The following DOCK1 variants were observed in gnomAD, a reference collection of about 807,000 sequenced individuals.
The protein encoded by DOCK1 is dedicator of cytokinesis protein 1.
Under a neutral mutation model 262.7 loss-of-function variants are expected in DOCK1, and 138 were observed. The observed-to-expected ratio is 0.53, with a 90% CI of 0.46 to 0.61. The LOEUF (loss-of-function observed/expected upper bound fraction) is 0.61, where lower values mean the gene tolerates loss of function less well. Among genes scored for constraint, DOCK1 ranks in the 20% least tolerant of loss-of-function variants. The pLI, the probability that DOCK1 is intolerant of heterozygous loss-of-function variation, is 0.00. For missense variants in DOCK1, 1,908 were observed against 2,370.7 expected, an observed-to-expected ratio of 0.80 and a Z score of 4.05; for synonymous variants, 866 against 867.4, an observed-to-expected ratio of 1.00 and a Z score of 0.03.
At chr10:127,186,500 A>AG (rs199537890) in intron 27 of DOCK1, among the ~76,000 whole-genome samples, 88 of 45,386 alleles carry the variant, frequency 1.9e-3, no homozygotes, top group African/African-American at 3.5e-3. Flanking sequence ...ACAGCATGGG[A>AG]GAAACCGCCC....
chr10:127,058,558 C>T (rs9418819), intron 22 of DOCK1, among the ~76,000 whole-genome samples: 26,372 of 151,622 alleles, frequency 0.17, 2,490 homozygotes, highest in South Asian at 0.32. Context: ...TTTTCCCTTC[C>T]CCATCTGTAT....
At chr10:127,047,741 T>C (rs1442190609) in intron 21 of DOCK1, among the ~76,000 whole-genome samples, 7 of 152,174 alleles carry the variant, frequency 4.6e-5, no homozygotes, top group South Asian at 2.1e-4. Context: ...TCTTAAACTT[T>C]ACACCAGTGG....
chr10:126,936,666 A>C, intron 1 of DOCK1, among the ~76,000 whole-genome samples: 1 of 152,238 alleles, frequency 6.6e-6, no homozygotes, highest in Non-Finnish European at 1.5e-5. Context: ...TAAAGAATGC[A>C]AAACATTAGT....
chr10:127,340,073 A>T (rs996681926), intron 30 of DOCK1, among the ~76,000 whole-genome samples: 11 of 152,056 alleles, frequency 7.2e-5, no homozygotes, highest in African/African-American at 1.9e-4. Flanking sequence ...TATTTTTATA[A>T]TTTTTTAATT....
intron 27 of DOCK1, chr10:127,153,966 G>C (rs758335582): frequency 4.1e-6 from 6 of 1,456,298 alleles, no homozygotes; most frequent in Middle Eastern, 1.7e-4. Flanking sequence ...GGTGGCTGGG[G>C]GTCACTGGCT....
intron 1 of DOCK1, among the ~76,000 whole-genome samples, chr10:126,939,520 T>G (rs1424944665): frequency 6.6e-6 from 1 of 152,234 alleles, no homozygotes; most frequent in African/African-American, 2.4e-5. Context: ...GACATCAGTG[T>G]TTTTACTTTA....
At position 126,996,863 on chromosome 10, in the gene DOCK1, G is replaced by A; in HGVS notation, c.589G>A (p.Glu197Lys). The change falls in exon 7 of 52, where the codon GAA becomes AAA. Residue 197 changes from glutamate to lysine, a missense_variant. Around this residue, in one of 9 missense-constraint regions of DOCK1, gnomAD observed 227 missense variants for 254.1 expected, o/e 0.89. Transcript: ENST00000623213. Reference protein sequence around the residue: ...AHEIASKQVEERLQEEKSQKQ... With the variant: ...AHEIASKQVEKRLQEEKSQKQ... ...TGAAATAGCTTCTAAACAAGTGGAGGAAAGGTTACAAGAGGAAAAAGTAAG... is the reference window on the plus strand; with the variant it reads ...TGAAATAGCTTCTAAACAAGTGGAGAAAAGGTTACAAGAGGAAAAAGTAAG... The A allele has an allele frequency of 6.2e-7, 1 of 1,602,462 alleles. No homozygotes were observed.
chr10:127,324,853 T>C (rs2062690154), intron 29 of DOCK1, among the ~76,000 whole-genome samples: 1 of 152,202 alleles, frequency 6.6e-6, no homozygotes, highest in African/African-American at 2.4e-5. Flanking sequence ...TGATAAATGA[T>C]TCATCAGAAG....
chr10:127,214,766 C>T (rs886556376), intron 27 of DOCK1, among the ~76,000 whole-genome samples: 11 of 152,128 alleles, frequency 7.2e-5, no homozygotes, highest in Admixed American at 7.2e-4. Flanking sequence ...CAGAGGCCCC[C>T]AGTGTTTCTT....
intron 1 of DOCK1, among the ~76,000 whole-genome samples, chr10:126,962,014 TTGAGACAGG>T (rs1475974620): frequency 2.0e-5 from 3 of 152,296 alleles, no homozygotes; most frequent in Admixed American, 6.5e-5. Flanking sequence ...TTTTATTTTT[TTGAGACAGG>T]GTCTCACTCT....
At chr10:127,191,963 C>T (rs573967312) in intron 27 of DOCK1, among the ~76,000 whole-genome samples, 1 of 152,322 alleles carries the variant, frequency 6.6e-6, no homozygotes, top group East Asian at 1.9e-4. Context: ...TAGTTTACTG[C>T]ATTTCATTTC....
intron 1 of DOCK1, among the ~76,000 whole-genome samples, chr10:126,965,550 C>T (rs1400940600): frequency 6.6e-6 from 1 of 152,068 alleles, no homozygotes; most frequent in African/African-American, 2.4e-5. Flanking sequence ...GTGAGATATC[C>T]TGGGAGGGAA....
Position 127,142,113 on chromosome 10 carries a change from C to A in DOCK1, c.2847+14349C>A, listed in dbSNP as rs11016447. 6.6e-3 allele frequency among the ~76,000 whole-genome samples: 1,004 copies of A among 152,292 alleles called. 4 individuals are homozygous for A. Among genetic ancestry groups the A allele is most frequent in the Admixed American group, 0.012 (177 of 15,306 alleles). Reference sequence around the variant, plus strand: ...CCCCTTTTCACTTGCCTGTGGACAGCAGGTGGAGGTCTAGCTGGATGTTTT... The same window carrying A: ...CCCCTTTTCACTTGCCTGTGGACAGAAGGTGGAGGTCTAGCTGGATGTTTT... On this transcript the variant is annotated intron_variant, in intron 27 of 51. Coordinates refer to ENST00000623213, the MANE Select transcript of DOCK1 (RefSeq NM_001290223.2).
intron 4 of DOCK1, 73 bp downstream of exon 4, chr10:126,982,046 G>A: frequency 6.6e-7 from 1 of 1,513,730 alleles, no homozygotes; most frequent in African/African-American, 1.4e-5. Flanking sequence ...TTTGTACGAT[G>A]GCGTAATATG....
chr10:127,408,804 A>G (rs1302415735), intron 40 of DOCK1, among the ~76,000 whole-genome samples: 1 of 152,220 alleles, frequency 6.6e-6, no homozygotes, highest in Non-Finnish European at 1.5e-5. Flanking sequence ...AGATGTTAGT[A>G]GCGCAGTGCT....
intron 21 of DOCK1, among the ~76,000 whole-genome samples, chr10:127,049,158 G>T (rs1229366001): frequency 6.6e-6 from 1 of 152,092 alleles, no homozygotes; most frequent in Non-Finnish European, 1.5e-5. Context: ...ACACATAATT[G>T]AGAGGGAATT....
At chr10:127,400,790 C>G (rs993175996) in intron 38 of DOCK1, among the ~76,000 whole-genome samples, 13 of 152,184 alleles carry the variant, frequency 8.5e-5, no homozygotes, top group African/African-American at 2.9e-4. Context: ...ACCTCCCACC[C>G]CCAGTCATGC....
In DOCK1 at chr10:127,176,006, G is replaced by T; in HGVS notation, c.2847+48242G>T. On this transcript the variant is annotated intron_variant, in intron 27 of 51. Transcript: ENST00000623213. This position sits in a 1 kb window ranked among gnomAD's most constrained non-coding sequence, Gnocchi z 4.4. ...GGCTTTTAAAGGGATCTGCAGCTGG[G>T]AGGCTTTTGAGGTTCCCCTTTTTGC... 6.2e-7 allele frequency: 1 copy of T among 1,614,202 alleles called. No individual in the cohort carries two copies. The highest frequency in any genetic ancestry group is 8.5e-7 in the Non-Finnish European group (1 of 1,180,050).
intron 23 of DOCK1, among the ~76,000 whole-genome samples, chr10:127,082,170 C>T (rs1156830470): frequency 5.9e-5 from 9 of 152,152 alleles, no homozygotes; most frequent in Non-Finnish European, 1.3e-4. Context: ...TGGCAGGAAC[C>T]ATTTCCTTAC....
Sources: allele counts gnomAD v4.1 joint callset (sites outside exome capture counted in the v4.1 genomes callset), GRCh38; gene constraint gnomAD v4.1.1; regional missense constraint gnomAD v4.1.1; non-coding constraint Gnocchi (gnomAD v3.1); transcripts MANE v1.5; gene names NCBI Gene and HGNC (gene_info 2026-07-23, HGNC 2026-07-21).